ABCB1: variants seen among roughly 807,000 people sequenced by gnomAD.
ABCB1 encodes ATP binding cassette subfamily B member 1, also known as ATP-dependent translocase ABCB1.
ABCB1 carries 69 observed loss-of-function variants against 142.0 expected under a neutral mutation model. The observed-to-expected ratio is 0.49, with a 90% CI of 0.40 to 0.59. ABCB1 has a LOEUF of 0.59. Ranked by LOEUF, ABCB1 falls within the 20% of genes least tolerant of loss-of-function variation. The probability of loss-of-function intolerance (pLI) is 0.00; values close to 1 mark genes in which losing one functional copy is unlikely to be tolerated. For missense variants in ABCB1, 1,326 were observed against 1,554.7 expected (o/e 0.85, Z 2.47); for synonymous variants, 532 against 539.2 (o/e 0.99, Z 0.18).
At chr7:87,703,152 A>G (rs531001828) in intron 1 of ABCB1, among the ~76,000 whole-genome samples, 1 of 152,162 alleles carries the variant, frequency 6.6e-6, no homozygotes, top group Non-Finnish European at 1.5e-5. Context: ...ACGATTATAG[A>G]ATTATAAATT....
At chr7:87,547,960 AGTGGCCAT>A (rs1381386372) in intron 14 of ABCB1, among the ~76,000 whole-genome samples, 1 of 150,776 alleles carries the variant, frequency 6.6e-6, no homozygotes, top group Non-Finnish European at 1.5e-5. Flanking sequence ...CAGAGGTTGT[AGTGGCCAT>A]GATGGCACAA....
Position 87,593,225 on chromosome 7 carries a change from C to G in ABCB1, c.117+2541G>C, listed in dbSNP as rs990319121. ...TACAGGCGTGAGCCACAGCACCTGA[C>G]CAAGAGTGTATAATCTCTAAGAAGT... is the stretch of plus-strand genomic sequence containing the variant. On this transcript the variant is annotated intron_variant, in intron 3 of 27. Transcript: ENST00000622132. Among the ~76,000 whole-genome samples, 7 of 152,160 alleles carry G rather than the reference C, an allele frequency of 4.6e-5. No individual in the cohort carries two copies. The East Asian group carries it at 1.3e-3, about 29-fold the overall frequency.
At chr7:87,531,021 G>A (rs1057069739) in intron 21 of ABCB1, among the ~76,000 whole-genome samples, 3 of 152,076 alleles carry the variant, frequency 2.0e-5, no homozygotes, top group Non-Finnish European at 4.4e-5. Flanking sequence ...CTAAGGGAAG[G>A]AGGAAAGTGG....
intron 17 of ABCB1, 64 bp downstream of exon 17, chr7:87,544,064 AC>A: frequency 6.3e-7 from 1 of 1,584,784 alleles, no homozygotes; most frequent in Non-Finnish European, 8.7e-7. Context: ...AGACACAAGC[AC>A]TTTATTCGTT....
At chr7:87,561,160 C>CAT in intron 8 of ABCB1, 103 bp downstream of exon 8, 1 of 1,379,488 alleles carries the variant, frequency 7.2e-7, no homozygotes, top group Non-Finnish European at 1.0e-6. Context: ...TTTAAGAAAA[C>CAT]ATATATATGG....
chr7:87,702,014 G>A (rs1205166109), intron 1 of ABCB1, among the ~76,000 whole-genome samples: 5 of 151,552 alleles, frequency 3.3e-5, no homozygotes, highest in Admixed American at 3.3e-4. Context: ...GTGGTGGTGG[G>A]CACCTGTAAT....
chr7:87,616,774 G>C (rs1395608333), intron 1 of ABCB1, among the ~76,000 whole-genome samples: 2 of 152,132 alleles, frequency 1.3e-5, no homozygotes, highest in African/African-American at 4.8e-5. Context: ...AATTCATGAA[G>C]AGCAAAACTA....
At chr7:87,505,811 G>A in intron 27 of ABCB1, 86 bp downstream of exon 27, 1 of 1,492,322 alleles carries the variant, frequency 6.7e-7, no homozygotes, top group Non-Finnish European at 9.3e-7. Flanking sequence ...CAATAATCTG[G>A]CTGCATTTTG....
Position 87,553,749 on chromosome 7 carries a change from T to A in ABCB1, c.999+12A>T. On this transcript the variant is annotated intron_variant, in intron 9 of 27. Transcript: ENST00000622132. ...TATAATAATGGTTCATTTCTCAATG[T>A]AAACCACTTACAGTGAGTACTTGTC... 1.2e-6 allele frequency: 2 copies of A among 1,612,828 alleles called. No homozygotes were observed. The highest frequency in any genetic ancestry group is 1.7e-6 in the Non-Finnish European group (2 of 1,178,822).
chr7:87,703,922 T>G, intron 1 of ABCB1, among the ~76,000 whole-genome samples: 60 of 114,574 alleles, frequency 5.2e-4, no homozygotes, highest in African/African-American at 1.9e-3. Flanking sequence ...TGGTTTTTTT[T>G]TTTTTTTTTT....
chr7:87,657,259 T>C (rs1824201687), intron 1 of ABCB1, among the ~76,000 whole-genome samples: 1 of 152,088 alleles, frequency 6.6e-6, no homozygotes, highest in Admixed American at 6.6e-5. Flanking sequence ...GCCAGGAACC[T>C]GCAAATTTCA....
At chr7:87,567,157 G>A (rs982473844) in intron 5 of ABCB1, among the ~76,000 whole-genome samples, 181 bp from the exon 6 acceptor site, 2 of 152,234 alleles carry the variant, frequency 1.3e-5, no homozygotes, top group African/African-American at 4.8e-5. Flanking sequence ...CACCAATATG[G>A]TGGAATGGTT....
chr7:87,515,520 T>A (rs1815199239), intron 24 of ABCB1, 92 bp from the exon 25 acceptor site: 21 of 1,158,250 alleles, frequency 1.8e-5, no homozygotes, highest in Non-Finnish European at 2.7e-5. Flanking sequence ...TGTCAGAAGA[T>A]AATTAATTTG....
chr7:87,508,160 T>G (rs1268008223), intron 26 of ABCB1, among the ~76,000 whole-genome samples: 1 of 152,150 alleles, frequency 6.6e-6, no homozygotes, highest in Non-Finnish European at 1.5e-5. Context: ...AATCTAATTT[T>G]GGACTTTTAA....
In ABCB1 at chr7:87,681,188, A is replaced by G. The variant is rs537437354; in HGVS notation, c.-331+31973T>C. 5.3e-5 allele frequency among the ~76,000 whole-genome samples: 8 copies of G among 150,644 alleles called. 1 individual carries two copies. Among genetic ancestry groups the G allele is most frequent in the Admixed American group, 3.3e-4 (5 of 15,092 alleles). ...TATCTATTAAAGAAGTTGAATCAGTATTTAAAACCTTCCAACAATGAAAAC... is the reference window on the plus strand; with the variant it reads ...TATCTATTAAAGAAGTTGAATCAGTGTTTAAAACCTTCCAACAATGAAAAC... On this transcript the variant is annotated intron_variant, in intron 1 of 28. Coordinates refer to the ABCB1 transcript ENST00000265724.
At chr7:87,613,200 C>T (rs1819916783) in intron 1 of ABCB1, among the ~76,000 whole-genome samples, 1 of 148,832 alleles carries the variant, frequency 6.7e-6, no homozygotes, top group South Asian at 2.1e-4. Context: ...GGCATAAGAC[C>T]ATATCATTGA....
chr7:87,559,104 CT>C (rs935499939), intron 8 of ABCB1, among the ~76,000 whole-genome samples: 12 of 151,556 alleles, frequency 7.9e-5, no homozygotes, highest in South Asian at 2.1e-4. Context: ...GAACTCACAA[CT>C]TTTTTTTTCC....
chr7:87,610,969 A>G (rs1819830271), intron 1 of ABCB1, among the ~76,000 whole-genome samples: 1 of 152,220 alleles, frequency 6.6e-6, no homozygotes, highest in African/African-American at 2.4e-5. Flanking sequence ...AATGACAATA[A>G]CTGTCCAAAC....
At chr7:87,642,796 G>A (rs2130306860) in intron 1 of ABCB1, among the ~76,000 whole-genome samples, 1 of 152,210 alleles carries the variant, frequency 6.6e-6, no homozygotes, top group Middle Eastern at 3.4e-3. Context: ...AATACAAGAT[G>A]TTAATAATAT....
Sources: gnomAD v4.1 joint callset for allele counts (sites outside exome capture counted in the v4.1 genomes callset) on GRCh38, gnomAD v4.1.1 for gene constraint, MANE v1.5 for transcripts, NCBI Gene and HGNC (gene_info 2026-07-23, HGNC 2026-07-21) for gene names.